COLQ: variants seen among roughly 807,000 people sequenced by gnomAD.
The protein encoded by COLQ is collagen like tail subunit of asymmetric acetylcholinesterase.
In COLQ, 48 loss-of-function variants were observed where a neutral mutation model predicts 69.0. The ratio of observed to expected loss-of-function variants is 0.70; its 90% CI spans 0.55 to 0.88. COLQ has a LOEUF of 0.88. Ranked by LOEUF, COLQ falls within the 40% of genes least tolerant of loss-of-function variation. The pLI is 0.00. For synonymous variants in COLQ, 217 were observed against 211.2 expected, an observed-to-expected ratio of 1.03 and a Z score of -0.24; for missense variants, 618 against 594.6, an observed-to-expected ratio of 1.04 and a Z score of -0.41.
At chr3:15,488,822 T>G (rs1401158777) in intron 2 of COLQ, among the ~76,000 whole-genome samples, 1 of 152,236 alleles carries the variant, frequency 6.6e-6, no homozygotes, top group African/African-American at 2.4e-5. Context: ...CTCATACTAC[T>G]TCTTTCGAAA....
chr3:15,492,800 C>G (rs1231936734), intron 1 of COLQ, among the ~76,000 whole-genome samples: 2 of 152,198 alleles, frequency 1.3e-5, no homozygotes, highest in Non-Finnish European at 2.9e-5. Context: ...CTTTGCAAGA[C>G]AGCTCTCACT....
chr3:15,451,562 G>T lies in COLQ; in HGVS notation c.*82C>A. Reference sequence around the variant, plus strand: ...GTCACACAAAGGTTGGTGGAGACGGGGCCAGGACATGGCCAGTTTGATGAC... The same window carrying T: ...GTCACACAAAGGTTGGTGGAGACGGTGCCAGGACATGGCCAGTTTGATGAC... On this transcript the variant is annotated 3_prime_UTR_variant, in exon 17 of 17. Coordinates refer to ENST00000383788, the MANE Select transcript of COLQ (RefSeq NM_005677.4). The T allele has an allele frequency of 7.6e-7, 1 of 1,312,512 alleles. No homozygotes were observed. Among genetic ancestry groups the T allele is most frequent in the Non-Finnish European group, 1.1e-6 (1 of 904,700 alleles). 81.3% of individuals were successfully genotyped at this position (1,312,512 alleles called of 1,614,324 possible).
At chr3:15,471,211 G>A (rs1210090890) in intron 10 of COLQ, among the ~76,000 whole-genome samples, 5 of 152,140 alleles carry the variant, frequency 3.3e-5, no homozygotes, top group Non-Finnish European at 7.3e-5. Flanking sequence ...TTAGATGAAA[G>A]TTCTTTTGTG....
chr3:15,510,855 GAA>G (rs2062976740), intron 1 of COLQ, among the ~76,000 whole-genome samples: 1 of 135,170 alleles, frequency 7.4e-6, no homozygotes, highest in African/African-American at 3.0e-5. Flanking sequence ...AGAGAGGAAG[GAA>G]AGAAGGAAGG....
At chr3:15,482,600 G>T (rs1256775913) in intron 3 of COLQ, among the ~76,000 whole-genome samples, 1 of 152,216 alleles carries the variant, frequency 6.6e-6, no homozygotes, top group African/African-American at 2.4e-5. Flanking sequence ...TGTGCTGCTG[G>T]ATTTGGTTTG....
At chr3:15,482,551 G>A (rs1385635865) in intron 3 of COLQ, among the ~76,000 whole-genome samples, 1 of 152,164 alleles carries the variant, frequency 6.6e-6, no homozygotes, top group East Asian at 1.9e-4. Context: ...TGCATCCCAG[G>A]GATGAAGCCC....
At chr3:15,514,647 A>T (rs2063033294) in intron 1 of COLQ, among the ~76,000 whole-genome samples, 1 of 152,144 alleles carries the variant, frequency 6.6e-6, no homozygotes, top group African/African-American at 2.4e-5. Flanking sequence ...TTGACTTTCA[A>T]ACTAAGCTGT....
intron 12 of COLQ, among the ~76,000 whole-genome samples, chr3:15,461,725 T>C (rs1021251874): frequency 6.6e-6 from 1 of 152,086 alleles, no homozygotes; most frequent in Non-Finnish European, 1.5e-5. Flanking sequence ...GGTTCAAGAT[T>C]CTTTTCTCTA....
At chr3:15,467,917 T>C (rs1237477722) in intron 11 of COLQ, 1 of 456,620 alleles carries the variant, frequency 2.2e-6, no homozygotes, top group Non-Finnish European at 4.4e-6. Flanking sequence ...ACTCTGAATA[T>C]GGGATCCGTG....
chr3:15,475,183 A>G lies in COLQ; in HGVS notation c.529-232T>C, dbSNP rs574538891. The G allele has an allele frequency of 9.2e-6, 6 of 653,522 alleles. No individual in the cohort carries two copies. In the South Asian group the frequency reaches 9.4e-5, roughly 10 times the overall value. 40.5% of individuals were successfully genotyped at this position (653,522 alleles called of 1,614,324 possible). A position where few individuals can be genotyped will look rare whatever the true frequency, so the allele number is the denominator to read the frequency against. ...TGCAAAGTCCTGATCAAAGGTTTCCATCTGCTCTGATGTCCAGAAGCTTGG... is the reference window on the plus strand; with the variant it reads ...TGCAAAGTCCTGATCAAAGGTTTCCGTCTGCTCTGATGTCCAGAAGCTTGG... On this transcript the variant is annotated intron_variant, in intron 7 of 16. Transcript: ENST00000383788.
chr3:15,475,615 A>AT, intron 6 of COLQ, 128 bp from the exon 7 acceptor site: 2 of 808,280 alleles, frequency 2.5e-6, no homozygotes, highest in Non-Finnish European at 2.1e-6. Context: ...AGGACCCCAG[A>AT]TGCACCCACT....
At chr3:15,516,846 G>A (rs1404567711) in intron 1 of COLQ, among the ~76,000 whole-genome samples, 1 of 152,134 alleles carries the variant, frequency 6.6e-6, no homozygotes, top group Non-Finnish European at 1.5e-5. Flanking sequence ...AAGCAGGAGG[G>A]AATGGAAAAT....
intron 1 of COLQ, among the ~76,000 whole-genome samples, chr3:15,518,819 T>C (rs2063097530): frequency 6.6e-6 from 1 of 152,174 alleles, no homozygotes; most frequent in Non-Finnish European, 1.5e-5. Flanking sequence ...CCTACTTGTC[T>C]CCGTGTCCCT....
intron 5 of COLQ, among the ~76,000 whole-genome samples, chr3:15,477,950 C>T (rs139921432): frequency 2.0e-5 from 3 of 152,308 alleles, no homozygotes; most frequent in Non-Finnish European, 4.4e-5. Flanking sequence ...GCAAGCCCTG[C>T]AAGAGAGAGT....
At chr3:15,465,423 C>T (rs1451719555) in intron 12 of COLQ, among the ~76,000 whole-genome samples, 10 of 149,294 alleles carry the variant, frequency 6.7e-5, no homozygotes, top group Admixed American at 5.3e-4. Flanking sequence ...CCCGCCACCA[C>T]GCCCGGCTAA....
rs1458510035 is a variant in COLQ at position 15,466,336 on chromosome 3, C to G, written c.814+5G>C. The G allele has an allele frequency of 1.2e-6, 2 of 1,610,508 alleles. No homozygotes were observed. Among genetic ancestry groups the G allele is most frequent in the South Asian group, 2.2e-5 (2 of 90,984 alleles). ...GTGGATCAAGTGAAGCAGTGTAGCT[C>G]TTACCTGCAGGTGGGGGGCCTGGGG... On this transcript the variant is annotated splice_donor_5th_base_variant and intron_variant, in intron 12 of 16. Coordinates refer to ENST00000383788, the MANE Select transcript of COLQ (RefSeq NM_005677.4).
intron 1 of COLQ, among the ~76,000 whole-genome samples, chr3:15,509,418 G>C (rs1230485890): frequency 2.6e-5 from 4 of 152,180 alleles, no homozygotes; most frequent in African/African-American, 4.8e-5. Flanking sequence ...TGCCTTGTGG[G>C]GTTTCCTCCT....
chr3:15,475,134 A>G, intron 7 of COLQ, 183 bp from the exon 8 acceptor site: 1 of 717,396 alleles, frequency 1.4e-6, no homozygotes, highest in East Asian at 2.6e-5. Flanking sequence ...ACCAGGCCTA[A>G]AAGGAACATT....
intron 1 of COLQ, among the ~76,000 whole-genome samples, chr3:15,497,847 T>C (rs1051809206): frequency 6.6e-6 from 1 of 152,148 alleles, no homozygotes; most frequent in Non-Finnish European, 1.5e-5. Context: ...TTCCCCCCAA[T>C]TCACATGTTC....
Sources: allele counts gnomAD v4.1 joint callset (sites outside exome capture counted in the v4.1 genomes callset), GRCh38; gene constraint gnomAD v4.1.1; transcripts MANE v1.5; gene names NCBI Gene and HGNC (gene_info 2026-07-23, HGNC 2026-07-21).